The following MED15 variants were observed in gnomAD, a reference collection of about 807,000 sequenced individuals.
MED15 encodes mediator complex subunit 15.
In MED15, 41 loss-of-function variants were observed where a neutral mutation model predicts 118.7. That is an observed-to-expected ratio of 0.35 (90% confidence interval 0.27 to 0.45). The LOEUF (loss-of-function observed/expected upper bound fraction) is 0.45, where lower values mean the gene tolerates loss of function less well. Among genes scored for constraint, MED15 ranks in the 20% least tolerant of loss-of-function variants. The pLI is 1.00. For synonymous variants in MED15, 436 were observed against 413.9 expected, an observed-to-expected ratio of 1.05 and a Z score of -0.65; for missense variants, 740 against 1,025.5, an observed-to-expected ratio of 0.72 and a Z score of 3.80.
intron 7 of MED15, among the ~76,000 whole-genome samples, chr22:20,567,587 C>T (rs1419295182): frequency 1.3e-5 from 2 of 152,154 alleles, no homozygotes; most frequent in African/African-American, 2.4e-5. Flanking sequence ...ACCTGGGAGT[C>T]GACACACTGC....
chr22:20,534,187 G>T (rs1260472418), intron 1 of MED15, among the ~76,000 whole-genome samples: 1 of 151,918 alleles, frequency 6.6e-6, no homozygotes, highest in South Asian at 2.1e-4. Context: ...TACACAGCCA[G>T]CCTCCAGGCC....
intron 1 of MED15, among the ~76,000 whole-genome samples, chr22:20,515,060 A>T (rs1468529078): frequency 1.3e-5 from 2 of 152,174 alleles, no homozygotes; most frequent in Non-Finnish European, 2.9e-5. Context: ...AGTGCCCCAT[A>T]GGGCTGCTCC....
chr22:20,553,248 G>T (rs2055859147), intron 4 of MED15, 74 bp downstream of exon 4: 4 of 1,437,646 alleles, frequency 2.8e-6, no homozygotes, highest in Non-Finnish European at 3.9e-6. Context: ...CATAGTGCAT[G>T]CCTCATGTGC....
At chr22:20,519,905 G>C (rs779299995) in intron 1 of MED15, among the ~76,000 whole-genome samples, 1 of 152,144 alleles carries the variant, frequency 6.6e-6, no homozygotes, top group South Asian at 2.1e-4. Flanking sequence ...TCTGGGCTTC[G>C]TTTCCTTTTA....
chr22:20,537,334 G>C, intron 2 of MED15, 130 bp downstream of exon 2: 1 of 719,544 alleles, frequency 1.4e-6, no homozygotes, highest in Non-Finnish European at 2.2e-6. Context: ...TTGATCACAG[G>C]CACAGTTGGT....
Position 20,584,982 on chromosome 22 carries a change from C to T in MED15, c.1931C>T (p.Pro644Leu). The T allele has an allele frequency of 6.2e-7, 1 of 1,614,096 alleles. No homozygotes were observed. The highest frequency in any genetic ancestry group is 8.5e-7 in the Non-Finnish European group (1 of 1,180,030). Residue 644 changes from proline (P) to leucine (L), a missense_variant, in exon 15 of 18, where the codon CCA becomes CTA. By Grantham distance (98) the Pro-to-Leu change is moderately conservative. Transcript: ENST00000263205. Reference sequence around the variant, plus strand: ...CATTCCCTGTACCGCACATTCGTTCCAGCCATGACCGCCATTCACGGCCCA... The same window carrying T: ...CATTCCCTGTACCGCACATTCGTTCTAGCCATGACCGCCATTCACGGCCCA... ...FNHSLYRTFV[P>L]AMTAIHGPPI... is the part of the protein sequence containing the mutation.
chr22:20,580,392 G>A (rs2056946938), intron 9 of MED15, among the ~76,000 whole-genome samples: 1 of 152,180 alleles, frequency 6.6e-6, no homozygotes, highest in Non-Finnish European at 1.5e-5. Flanking sequence ...GAGAAGCGCT[G>A]AGCTTTAGGC....
chr22:20,582,388 G>C, intron 9 of MED15: 2 of 662,572 alleles, frequency 3.0e-6, no homozygotes, highest in South Asian at 2.0e-5. Flanking sequence ...AGGAGCAAGG[G>C]CTGCCCTGCC....
intron 1 of MED15, among the ~76,000 whole-genome samples, chr22:20,534,011 A>C (rs971798071): frequency 6.6e-6 from 1 of 152,158 alleles, no homozygotes; most frequent in African/African-American, 2.4e-5. Context: ...GGCCAGTAGC[A>C]GCTCAAAAGG....
intron 1 of MED15, among the ~76,000 whole-genome samples, chr22:20,512,015 A>C (rs1381143799): frequency 1.1e-5 from 1 of 93,192 alleles, no homozygotes; most frequent in Non-Finnish European, 2.1e-5. Context: ...TGGAGACAAG[A>C]TCTTGCTCTG....
At chr22:20,565,571 C>T (rs1716603228) in intron 6 of MED15, among the ~76,000 whole-genome samples, 1 of 152,200 alleles carries the variant, frequency 6.6e-6, no homozygotes, top group Non-Finnish European at 1.5e-5. Flanking sequence ...GAGGAAAGCC[C>T]CAAAGGGCCC....
intron 16 of MED15, 176 bp downstream of exon 16, chr22:20,585,443 C>A: frequency 1.2e-6 from 1 of 868,210 alleles, no homozygotes; most frequent in Non-Finnish European, 1.7e-6. Flanking sequence ...GGCCATGCCT[C>A]AGTCCCCACT....
intron 2 of MED15, among the ~76,000 whole-genome samples, chr22:20,547,202 C>A (rs888625533): frequency 6.6e-6 from 1 of 152,064 alleles, no homozygotes; most frequent in Non-Finnish European, 1.5e-5. Context: ...TTTAAGATTA[C>A]CTTGAAGTTC....
chr22:20,583,151 C>T lies in MED15; in HGVS notation c.1576C>T (p.Gln526Ter). The T allele has an allele frequency of 6.2e-7, 1 of 1,607,702 alleles. No individual in the cohort carries two copies. The highest frequency in any genetic ancestry group is 8.5e-7 in the Non-Finnish European group (1 of 1,177,190). ...SSVMSPAGSS[Q>*]AEEQQYLDKL... ...TGTCATGAGCCCAGCTGGCTCCAGC[C>T]AGGCTGAGGAGCAGCAGTACCTGGA... is the stretch of plus-strand genomic sequence containing the variant. Residue 526 changes from glutamine (Q) to a stop codon, truncating the protein, a stop_gained, in exon 12 of 18, where the codon CAG becomes TAG. Transcript: ENST00000263205. LOFTEE classifies it high-confidence loss of function.
chr22:20,575,079 G>A (rs760635871), intron 8 of MED15, 34 bp from the exon 9 acceptor site: 12 of 1,611,458 alleles, frequency 7.4e-6, no homozygotes, highest in East Asian at 2.2e-5. Context: ...TCTTTGTTGC[G>A]ATCACCTTGT....
chr22:20,561,772 G>A (rs1347101102), intron 5 of MED15, among the ~76,000 whole-genome samples: 1 of 152,158 alleles, frequency 6.6e-6, no homozygotes, highest in Non-Finnish European at 1.5e-5. Flanking sequence ...CCCAGCACTT[G>A]GAGAAGCTGA....
intron 6 of MED15, 96 bp from the exon 7 acceptor site, chr22:20,566,371 C>T: frequency 2.6e-6 from 4 of 1,559,676 alleles, no homozygotes; most frequent in Non-Finnish European, 3.5e-6. Context: ...CTGCAGATGG[C>T]CACCTGGGCT....
chr22:20,518,142 A>T (rs1162614345), intron 1 of MED15, among the ~76,000 whole-genome samples: 9 of 152,246 alleles, frequency 5.9e-5, no homozygotes, highest in Admixed American at 5.9e-4. Flanking sequence ...GATGCGTGGT[A>T]CAGGCTGAGT....
At chr22:20,508,486 C>T (rs1236876163) in intron 1 of MED15, 1 of 1,124,542 alleles carries the variant, frequency 8.9e-7, no homozygotes, top group Admixed American at 2.5e-5. Context: ...TGCAGGTGGG[C>T]TGAGTCCGAA....
Sources: gnomAD v4.1 joint callset for allele counts (sites outside exome capture counted in the v4.1 genomes callset) on GRCh38, gnomAD v4.1.1 for gene constraint, MANE v1.5 for transcripts, NCBI Gene and HGNC (gene_info 2026-07-23, HGNC 2026-07-21) for gene names.